TFCP2L1: variants seen among roughly 807,000 people sequenced by gnomAD.
The protein encoded by TFCP2L1 is transcription factor CP2 like 1.
In TFCP2L1, 12 loss-of-function variants were observed where a neutral mutation model predicts 72.2. The ratio of observed to expected loss-of-function variants is 0.17; its 90% CI spans 0.11 to 0.27. The LOEUF is 0.27. TFCP2L1 is among the 10% of genes least tolerant of loss of function. TFCP2L1 has a pLI of 1.00. For missense variants in TFCP2L1, 488 were observed against 624.6 expected, an observed-to-expected ratio of 0.78 and a Z score of 2.33; for synonymous variants, 260 against 251.0, an observed-to-expected ratio of 1.04 and a Z score of -0.34.
At position 121,223,754 on chromosome 2, in the gene TFCP2L1, C is replaced by CAGAAT. The variant is rs1430160440; in HGVS notation, c.*582_*586dup. ...GTAGAGAAGAAAGAGGTAGAAGGCACAGAATAGCCCCACTCCCATCAATTC... is the reference window on the plus strand; with the variant it reads ...GTAGAGAAGAAAGAGGTAGAAGGCACAGAATAGAATAGCCCCACTCCCATCAATTC... On this transcript the variant is annotated 3_prime_UTR_variant, in exon 15 of 15. Coordinates refer to ENST00000263707, the MANE Select transcript of TFCP2L1 (RefSeq NM_014553.3). The CAGAAT allele has an allele frequency of 1.9e-5, 3 of 155,726 alleles. No homozygotes were observed. Among genetic ancestry groups the CAGAAT allele is most frequent in the Non-Finnish European group, 4.3e-5 (3 of 69,740 alleles). 9.6% of individuals were successfully genotyped at this position (155,726 alleles called of 1,614,324 possible). A position where few individuals can be genotyped will look rare whatever the true frequency, so the allele number is the denominator to read the frequency against.
chr2:121,234,030 G>A, intron 12 of TFCP2L1, 61 bp downstream of exon 12: 1 of 1,458,696 alleles, frequency 6.9e-7, no homozygotes, highest in Non-Finnish European at 9.6e-7. Flanking sequence ...CAGACTGCGG[G>A]CTTGAAAGCC....
At chr2:121,237,488 C>T (rs1008457559) in intron 10 of TFCP2L1, 135 bp downstream of exon 10, 52 of 1,012,708 alleles carry the variant, frequency 5.1e-5, no homozygotes, top group Non-Finnish European at 6.6e-5. Flanking sequence ...CGTGAGCGAG[C>T]GAACCCACAC....
At chr2:121,251,184 AGG>A in intron 2 of TFCP2L1, among the ~76,000 whole-genome samples, 1 of 151,666 alleles carries the variant, frequency 6.6e-6, no homozygotes, top group South Asian at 2.1e-4. Flanking sequence ...TGAACCCGGG[AGG>A]CAGAGGTTGC....
rs553700064 is a variant in TFCP2L1, at chr2:121,244,346, C to T, written c.658-1877G>A. On this transcript the variant is annotated intron_variant, in intron 6 of 14. Coordinates refer to ENST00000263707, the MANE Select transcript of TFCP2L1 (RefSeq NM_014553.3). ...GCTTCCCAGTAACTGGGGTGACCGGCGAACGGAGGGGTGACAGGCAGCTTG... is the reference window on the plus strand; with the variant it reads ...GCTTCCCAGTAACTGGGGTGACCGGTGAACGGAGGGGTGACAGGCAGCTTG... 5.3e-5 allele frequency among the ~76,000 whole-genome samples: 8 copies of T among 152,314 alleles called. No homozygotes were observed. The East Asian group carries it at 7.7e-4, about 15-fold the overall frequency.
intron 2 of TFCP2L1, among the ~76,000 whole-genome samples, chr2:121,280,700 G>C (rs1309021833): frequency 6.6e-6 from 1 of 150,436 alleles, no homozygotes; most frequent in African/African-American, 2.5e-5. Context: ...GGAGGTCAAG[G>C]GTGCAGTGAG....
intron 2 of TFCP2L1, among the ~76,000 whole-genome samples, chr2:121,269,714 G>C (rs1272461663): frequency 6.6e-6 from 1 of 151,938 alleles, no homozygotes; most frequent in Admixed American, 6.6e-5. Flanking sequence ...TTCGAGACCA[G>C]CCTGGCCAAC....
chr2:121,281,309 C>A, intron 1 of TFCP2L1, 38 bp from the exon 2 acceptor site: 1 of 1,553,034 alleles, frequency 6.4e-7, no homozygotes, highest in Non-Finnish European at 8.7e-7. Flanking sequence ...GAGCAGAGCC[C>A]CAGGGGGCTC....
chr2:121,242,513 G>A (rs1284298568), intron 6 of TFCP2L1, 44 bp from the exon 7 acceptor site: 2 of 1,589,136 alleles, frequency 1.3e-6, no homozygotes, highest in South Asian at 1.1e-5. Flanking sequence ...AACCAACACA[G>A]GCAGCAGCCC....
chr2:121,234,066 C>A, intron 12 of TFCP2L1, 25 bp downstream of exon 12: 1 of 1,604,378 alleles, frequency 6.2e-7, no homozygotes, highest in South Asian at 1.1e-5. Flanking sequence ...ATGTGTGGGT[C>A]CCAGCTCTGC....
Position 121,218,105 on chromosome 2 carries a change from G to A in TFCP2L1, c.*6236C>T, listed in dbSNP as rs1278869689. 2 of 152,234 alleles carry A rather than the reference G, an allele frequency of 1.3e-5. No individual in the cohort carries two copies. The highest frequency in any genetic ancestry group is 2.9e-5 in the Non-Finnish European group (2 of 68,050). The allele number at this position is 152,234 out of a possible 1,614,324, so 9.4% of individuals were successfully genotyped here. On this transcript the variant is annotated 3_prime_UTR_variant, in exon 15 of 15. Transcript: ENST00000263707. ...ATGGAGGTAATGGAGGTCTGGCTCAGTAGTCAGCAGACTTTTTCTGTAACG... is the reference window on the plus strand; with the variant it reads ...ATGGAGGTAATGGAGGTCTGGCTCAATAGTCAGCAGACTTTTTCTGTAACG...
chr2:121,270,229 T>C (rs1687018974), intron 2 of TFCP2L1, among the ~76,000 whole-genome samples: 1 of 152,170 alleles, frequency 6.6e-6, no homozygotes, highest in African/African-American at 2.4e-5. Flanking sequence ...TCTTCAGTCA[T>C]TTAAAGAAGT....
chr2:121,225,470 G>GT (rs1686009755), intron 14 of TFCP2L1, 92 bp downstream of exon 14: 15 of 1,249,512 alleles, frequency 1.2e-5, no homozygotes, highest in Admixed American at 1.7e-5. Flanking sequence ...GCTTTTCCCA[G>GT]GTCAGCACTC....
chr2:121,277,925 ATAAAG>A (rs1194343816), intron 2 of TFCP2L1, among the ~76,000 whole-genome samples: 13 of 152,198 alleles, frequency 8.5e-5, no homozygotes, highest in African/African-American at 2.2e-4. Flanking sequence ...CAAACTTTCT[ATAAAG>A]TAGATTATTT....
At chr2:121,229,332 A>G (rs1573357010) in intron 13 of TFCP2L1, among the ~76,000 whole-genome samples, 1 of 152,184 alleles carries the variant, frequency 6.6e-6, no homozygotes, top group Non-Finnish European at 1.5e-5. Flanking sequence ...AGGAGAAAAG[A>G]AGGGGGAGGT....
intron 1 of TFCP2L1, 126 bp from the exon 2 acceptor site, chr2:121,281,397 G>A: frequency 9.5e-7 from 1 of 1,055,592 alleles, no homozygotes; most frequent in Non-Finnish European, 1.4e-6. Context: ...CGCATCGCAG[G>A]GTGCTGGCTG....
chr2:121,244,613 C>A (rs910814841), intron 6 of TFCP2L1, among the ~76,000 whole-genome samples: 1 of 152,192 alleles, frequency 6.6e-6, no homozygotes, highest in South Asian at 2.1e-4. Context: ...ACAGAGCCCC[C>A]ACTCCTAAGC....
chr2:121,250,825 T>A (rs1017822073), intron 2 of TFCP2L1, among the ~76,000 whole-genome samples: 2 of 151,886 alleles, frequency 1.3e-5, no homozygotes, highest in South Asian at 4.2e-4. Context: ...CAGGCTGGTC[T>A]CAAACTCCTG....
At chr2:121,234,304 C>T (rs943420355) in intron 11 of TFCP2L1, 110 bp from the exon 12 acceptor site, 23 of 1,029,482 alleles carry the variant, frequency 2.2e-5, no homozygotes, top group Non-Finnish European at 1.2e-5. Context: ...GGAAGAAAGA[C>T]AGCGGTGGTG....
intron 13 of TFCP2L1, 137 bp downstream of exon 13, chr2:121,231,689 C>G (rs1183746228): frequency 3.8e-5 from 50 of 1,302,432 alleles, no homozygotes; most frequent in Non-Finnish European, 5.1e-5. Context: ...CAGCCCCGGA[C>G]AGCCACAGCT....
Sources: gnomAD v4.1 joint callset for allele counts (sites outside exome capture counted in the v4.1 genomes callset) on GRCh38, gnomAD v4.1.1 for gene constraint, MANE v1.5 for transcripts, NCBI Gene and HGNC (gene_info 2026-07-23, HGNC 2026-07-21) for gene names.